Variants in UMOD observed in about 807,000 individuals in gnomAD.
The protein encoded by UMOD is uromodulin, also known as Tamm-Horsfall urinary glycoprotein.
UMOD carries 64 observed loss-of-function variants against 66.0 expected under a neutral mutation model. The observed-to-expected ratio is 0.97, with a 90% CI of 0.79 to 1.19. UMOD has a LOEUF of 1.19. Among genes scored for constraint, UMOD ranks in the 50% most tolerant of loss-of-function variants. UMOD has a pLI of 0.00. For missense variants in UMOD, 764 were observed against 850.9 expected (o/e 0.90, Z 1.27); for synonymous variants, 398 against 352.7 (o/e 1.13, Z -1.44).
chr16:20,341,069 C>T (rs1243879525), intron 7 of UMOD, 22 bp downstream of exon 7: 39 of 1,611,966 alleles, frequency 2.4e-5, no homozygotes, highest in Non-Finnish European at 3.1e-5. Context: ...CATGAGTTCC[C>T]ATGTAGGAAC....
chr16:20,350,348 C>T (rs1185222915), intron 2 of UMOD, among the ~76,000 whole-genome samples: 3 of 152,140 alleles, frequency 2.0e-5, no homozygotes, highest in Admixed American at 2.0e-4. Context: ...GTTCTAGCCC[C>T]TTGCTTTTCA....
Position 20,348,507 on chromosome 16 carries a change from T to C in UMOD, c.794A>G (p.Lys265Arg). 6.2e-7 allele frequency: 1 copy of C among 1,609,940 alleles called. No individual in the cohort carries two copies. Among genetic ancestry groups the C allele is most frequent in the South Asian group, 1.1e-5 (1 of 90,872 alleles). Residue 265 changes from lysine to arginine, a missense_variant, in exon 3 of 11, where the codon AAG becomes AGG. By Grantham distance (26) the Lys-to-Arg change is conservative. Transcript: ENST00000396138. Reference protein sequence around the residue: ...CCLWDASVQVKACAGGYYVYN... With the variant: ...CCLWDASVQVRACAGGYYVYN... The stretch of plus-strand genomic sequence containing the variant: ...GACGTAGTAGCCGCCGGCACAGGCC[T>C]TCACCTGGACGGACGCATCCCACAG...
intron 6 of UMOD, 60 bp from the exon 7 acceptor site, chr16:20,341,396 C>T: frequency 6.2e-7 from 1 of 1,604,482 alleles, no homozygotes; most frequent in South Asian, 1.1e-5. Context: ...GATAGGCCAC[C>T]TTCTCTGATT....
At position 20,348,977 on chromosome 16, in the gene UMOD, G is replaced by A. The variant is rs1178668808; in HGVS notation, c.324C>T (p.Asp108=). The change falls in exon 3 of 11, where the codon GAC becomes GAT. Residue 108 remains aspartate (D), a synonymous_variant. Coordinates refer to ENST00000396138, the MANE Select transcript of UMOD (RefSeq NM_003361.4). The stretch of plus-strand genomic sequence containing the variant: ...GCCCAGGCTCAGCGCACTCATCCAC[G>A]TCTGTGCAGCCGAGACCGGGCGACA... ...FRLSPGLGCT[D]VDECAEPGLS... is the part of the protein sequence containing the mutation. 1.3e-6 allele frequency: 2 copies of A among 1,574,374 alleles called. No individual in the cohort carries two copies. Among genetic ancestry groups the A allele is most frequent in the Admixed American group, 1.8e-5 (1 of 54,166 alleles).
rs765397337 is a variant in UMOD at position 20,333,323 on chromosome 16, A to G, written c.1914T>C (p.Thr638=). 1.9e-6 allele frequency: 3 copies of G among 1,613,212 alleles called. No homozygotes were observed. The highest frequency in any genetic ancestry group is 4.5e-5 in the East Asian group (2 of 44,854). The change falls in exon 11 of 11, where the codon ACT becomes ACC. Residue 638 remains threonine, a synonymous_variant. Transcript: ENST00000396138. Reference sequence around the variant, plus strand: ...GGCTTTCCGCTGTCAGTCACTGAAAAGTCAGGGTCAAGGTGGCCGAGAGAA... The same window carrying G: ...GGCTTTCCGCTGTCAGTCACTGAAAGGTCAGGGTCAAGGTGGCCGAGAGAA... ...PLLLSATLTL[T]FQ
intron 3 of UMOD, 25 bp from the exon 4 acceptor site, chr16:20,348,355 ACAAT>A (rs1596561086): frequency 6.2e-7 from 1 of 1,614,058 alleles, no homozygotes; most frequent in African/African-American, 1.3e-5. Flanking sequence ...GGACAGACAG[ACAAT>A]CAATAAGGAC....
rs1965579614 is a variant in UMOD at position 20,346,234 on chromosome 16, G to C, written c.1074C>G (p.Phe358Leu). ...AGCACCGGCTGTCACTCAGGTACAT[G>C]AAGACCTTGTCGAAGCCCAGACTCT... ...QLKSLGFDKVFMYLSDSRCSG... is the reference protein window; with the variant it reads ...QLKSLGFDKVLMYLSDSRCSG... The change falls in exon 5 of 11, where the codon TTC becomes TTG. Residue 358 changes from phenylalanine (F) to leucine (L), a missense_variant. By Grantham distance (22) the Phe-to-Leu change is conservative. Coordinates refer to ENST00000396138, the MANE Select transcript of UMOD (RefSeq NM_003361.4). The C allele has an allele frequency of 6.2e-7, 1 of 1,614,142 alleles. No individual in the cohort carries two copies. The highest frequency in any genetic ancestry group is 1.1e-5 in the South Asian group (1 of 91,092).
chr16:20,349,301 T>C, intron 2 of UMOD, 89 bp from the exon 3 acceptor site: 1 of 1,439,000 alleles, frequency 6.9e-7, no homozygotes, highest in Non-Finnish European at 9.5e-7. Flanking sequence ...GGGAACTCAT[T>C]ATTTTTAAGA....
intron 9 of UMOD, among the ~76,000 whole-genome samples, chr16:20,336,200 C>T (rs1235599159): frequency 6.6e-6 from 1 of 152,180 alleles, no homozygotes; most frequent in East Asian, 1.9e-4. Flanking sequence ...AATGGATCAC[C>T]CAGATCCTAC....
In UMOD at chr16:20,348,557, G is replaced by T. The variant is rs886043751; in HGVS notation, c.744C>A (p.Cys248Ter). 2 of 1,598,608 alleles carry T rather than the reference G, an allele frequency of 1.3e-6. No individual in the cohort carries two copies. The highest frequency in any genetic ancestry group is 2.2e-5 in the South Asian group (2 of 89,800). ...GGCAGCAGTGGCCGCTCCAGTGCGC[G>T]CAGGCCTTGCGGCTCACGATGCCCT... is the stretch of plus-strand genomic sequence containing the variant. ...SDEGIVSRKA[C>*]AHWSGHCCLW... Residue 248 changes from cysteine (C) to a stop codon, truncating the protein, a stop_gained, in exon 3 of 11, where the codon TGC becomes TGA. Coordinates refer to ENST00000396138, the MANE Select transcript of UMOD (RefSeq NM_003361.4). LOFTEE classifies it high-confidence loss of function.
At chr16:20,337,195 A>G in intron 8 of UMOD, 96 bp downstream of exon 8, 1 of 1,506,568 alleles carries the variant, frequency 6.6e-7, no homozygotes, top group South Asian at 1.2e-5. Flanking sequence ...TCCCTCTGGT[A>G]AAAGAGGGAA....
chr16:20,334,012 T>C lies in UMOD; in HGVS notation c.1862-637A>G, dbSNP rs140210098. 1.7e-3 allele frequency among the ~76,000 whole-genome samples: 206 copies of C among 120,434 alleles called. 1 individual carries two copies. Among genetic ancestry groups the C allele is most frequent in the African/African-American group, 6.4e-3 (194 of 30,396 alleles). 79.0% of individuals were successfully genotyped at this position (120,434 alleles called of 152,430 possible). On this transcript the variant is annotated intron_variant, in intron 10 of 10. Transcript: ENST00000396138. Reference sequence around the variant, plus strand: ...TTTCACCACTGCACTCCAGCCTGGGTGACAGAGCAGATTCCATCTCAAAAA... The same window carrying C: ...TTTCACCACTGCACTCCAGCCTGGGCGACAGAGCAGATTCCATCTCAAAAA...
rs751919061 is a variant in UMOD, at chr16:20,348,976, C to G, written c.325G>C (p.Val109Leu). The stretch of plus-strand genomic sequence containing the variant: ...AGCCCAGGCTCAGCGCACTCATCCA[C>G]GTCTGTGCAGCCGAGACCGGGCGAC... Reference protein sequence around the residue: ...RLSPGLGCTDVDECAEPGLSH... With the variant: ...RLSPGLGCTDLDECAEPGLSH... The change falls in exon 3 of 11, where the codon GTG becomes CTG. Residue 109 changes from valine (V) to leucine (L), a missense_variant. Coordinates refer to ENST00000396138, the MANE Select transcript of UMOD (RefSeq NM_003361.4). 6.4e-7 allele frequency: 1 copy of G among 1,574,200 alleles called. No individual in the cohort carries two copies. Among genetic ancestry groups the G allele is most frequent in the Admixed American group, 1.8e-5 (1 of 54,172 alleles).
At chr16:20,341,011 A>T in intron 7 of UMOD, 80 bp downstream of exon 7, 819 of 1,112,154 alleles carry the variant, frequency 7.4e-4, no homozygotes, top group Non-Finnish European at 1.0e-3. Flanking sequence ...AAAAAAAAAG[A>T]TGCAATTTTC....
rs533026580 is a variant in UMOD at position 20,337,496 on chromosome 16, G to C, written c.1578-43C>G. The C allele has an allele frequency of 5.4e-4, 866 of 1,612,976 alleles. 13 individuals carry two copies. The South Asian group carries it at 8.6e-3, about 16-fold the overall frequency. ...CATTTAATGTGGTTGGTTAAATAAA[G>C]ATTCTGGAGTCAGACTTCCTGGATT... On this transcript the variant is annotated intron_variant, in intron 7 of 10. Transcript: ENST00000396138.
In UMOD at chr16:20,349,804, G is replaced by A. The variant is rs1965802812; in HGVS notation, c.89-592C>T. The stretch of plus-strand genomic sequence containing the variant: ...CTGGTGAAATCTTCATCAGGACCCT[G>A]CTCAGTGTCGCCTCCTCTCTGCGGA... On this transcript the variant is annotated intron_variant, in intron 2 of 10. Coordinates refer to ENST00000396138, the MANE Select transcript of UMOD (RefSeq NM_003361.4). 9.0e-6 allele frequency: 14 copies of A among 1,549,876 alleles called. No homozygotes were observed. In the South Asian group the frequency reaches 1.5e-4, roughly 17 times the overall value.
intron 8 of UMOD, 134 bp from the exon 9 acceptor site, chr16:20,336,861 C>A: frequency 1.3e-6 from 1 of 756,142 alleles, no homozygotes; most frequent in Non-Finnish European, 2.3e-6. Flanking sequence ...ACCTGTATAC[C>A]GGGGCTCGTG....
At chr16:20,352,665 G>C in intron 1 of UMOD, 24 bp downstream of exon 1, 1 of 1,231,552 alleles carries the variant, frequency 8.1e-7, no homozygotes, top group Non-Finnish European at 1.0e-6. Context: ...TGGGCTAGGA[G>C]AAGACAGCTA....
At position 20,341,206 on chromosome 16, in the gene UMOD, C is replaced by T; in HGVS notation, c.1462G>A (p.Gly488Ser). Residue 488 changes from glycine (G) to serine (S), a missense_variant, in exon 7 of 11, where the codon GGC (glycine) becomes AGC (serine). Physicochemically the swap from Gly to Ser is moderately conservative, Grantham distance 56 (BLOSUM62 0). Coordinates refer to ENST00000396138, the MANE Select transcript of UMOD (RefSeq NM_003361.4). ...TLSTEAFLYV[G>S]TMLDGGDLSR... ...AGGTCGCCCCCATCCAACATGGTGC[C>T]CACGTAGAGAAAAGCCTCAGTGGAC... is the stretch of plus-strand genomic sequence containing the variant. The T allele has an allele frequency of 6.2e-7, 1 of 1,613,970 alleles. No homozygotes were observed. The highest frequency in any genetic ancestry group is 8.5e-7 in the Non-Finnish European group (1 of 1,179,996).
Sources: allele counts gnomAD v4.1 joint callset (sites outside exome capture counted in the v4.1 genomes callset), GRCh38; gene constraint gnomAD v4.1.1; transcripts MANE v1.5; gene names NCBI Gene and HGNC (gene_info 2026-07-23, HGNC 2026-07-21).